The following LMBR1 variants were observed in gnomAD, a reference collection of about 807,000 sequenced individuals.
The protein encoded by LMBR1 is limb development membrane protein 1.
Under a neutral mutation model 73.9 loss-of-function variants are expected in LMBR1, and 52 were observed. That is an observed-to-expected ratio of 0.70 (90% CI 0.56 to 0.89). LMBR1 has a LOEUF of 0.89. Ranked by LOEUF, LMBR1 falls within the 40% of genes least tolerant of loss-of-function variation. LMBR1 has a pLI of 0.00. For synonymous variants in LMBR1, 215 were observed against 209.4 expected (o/e 1.03, Z -0.23); for missense variants, 539 against 579.8 (o/e 0.93, Z 0.72).
chr7:156,876,051 C>T (rs1291218035), intron 1 of LMBR1, among the ~76,000 whole-genome samples: 2 of 152,074 alleles, frequency 1.3e-5, no homozygotes, highest in East Asian at 3.8e-4. Flanking sequence ...AAGAATTCAC[C>T]AACTATCTGC....
intron 1 of LMBR1, among the ~76,000 whole-genome samples, chr7:156,857,279 T>C (rs1797104147): frequency 6.6e-6 from 1 of 152,168 alleles, no homozygotes; most frequent in South Asian, 2.1e-4. Context: ...AGATTAAAAG[T>C]ACAGTGACAG....
At chr7:156,706,733 T>C (rs996244914) in intron 15 of LMBR1, among the ~76,000 whole-genome samples, 1 of 151,118 alleles carries the variant, frequency 6.6e-6, no homozygotes, top group Admixed American at 6.6e-5. Context: ...GCAAAAACAG[T>C]GCTAGGAGGG....
At chr7:156,792,975 T>C (rs1829489818) in intron 5 of LMBR1, among the ~76,000 whole-genome samples, 1 of 152,182 alleles carries the variant, frequency 6.6e-6, no homozygotes, top group African/African-American at 2.4e-5. Context: ...TTGCTCAAAT[T>C]AGTGCGCTGA....
At chr7:156,698,197 A>G (rs1279334972) in intron 15 of LMBR1, among the ~76,000 whole-genome samples, 1 of 152,282 alleles carries the variant, frequency 6.6e-6, no homozygotes, top group East Asian at 1.9e-4. Context: ...GTGGGTTCCC[A>G]TGGTCTTGGG....
intron 4 of LMBR1, among the ~76,000 whole-genome samples, chr7:156,672,073 T>G (rs898884131): frequency 3.9e-5 from 6 of 152,164 alleles, no homozygotes; most frequent in Admixed American, 6.5e-5. Context: ...TGGAATTAGT[T>G]TGTGATTCTT....
chr7:156,676,011 G>C, downstream of LMBR1: 1 of 876,968 alleles, frequency 1.1e-6, no homozygotes, highest in East Asian at 2.6e-5. Context: ...CTGTGGGGGT[G>C]GCATGTCGGG....
At chr7:156,722,342 T>C (rs921892022) in intron 15 of LMBR1, among the ~76,000 whole-genome samples, 7 of 152,146 alleles carry the variant, frequency 4.6e-5, no homozygotes, top group African/African-American at 1.2e-4. Flanking sequence ...AATCCTGTTA[T>C]ACACTAGGAT....
chr7:156,673,096 G>C (rs1479319117), downstream of LMBR1, among the ~76,000 whole-genome samples: 2 of 152,174 alleles, frequency 1.3e-5, no homozygotes, highest in African/African-American at 4.8e-5. Context: ...AGATCATATC[G>C]ATCATTTCAT....
intron 4 of LMBR1, among the ~76,000 whole-genome samples, chr7:156,799,138 G>A (rs189519385): frequency 6.6e-6 from 1 of 151,520 alleles, no homozygotes; most frequent in Non-Finnish European, 1.5e-5. Context: ...GCAGGCAGAG[G>A]TTGCAGTGAG....
At chr7:156,802,961 A>G (rs868333795) in intron 4 of LMBR1, among the ~76,000 whole-genome samples, 6 of 152,288 alleles carry the variant, frequency 3.9e-5, no homozygotes, top group African/African-American at 1.2e-4. Context: ...TAGAAAGCTG[A>G]AACTGGATCC....
At chr7:156,880,814 G>A (rs1234759560) in intron 1 of LMBR1, among the ~76,000 whole-genome samples, 11 of 151,988 alleles carry the variant, frequency 7.2e-5, no homozygotes, top group East Asian at 1.9e-4. Context: ...CACCACGCCC[G>A]GCTAATTTTT....
At position 156,836,892 on chromosome 7, in the gene LMBR1, CA is replaced by C; in HGVS notation, c.67-8del. On this transcript the variant is annotated splice_region_variant and splice_polypyrimidine_tract_variant and intron_variant, in intron 1 of 16. Coordinates refer to ENST00000353442, the MANE Select transcript of LMBR1 (RefSeq NM_022458.4). ...CAAAAAGAAGGAAACATATCTGAAACAAAACGAAGTTAACAGATCATTTACT... is the reference window on the plus strand; with the variant it reads ...CAAAAAGAAGGAAACATATCTGAAACAAACGAAGTTAACAGATCATTTACT... 1.3e-6 allele frequency: 2 copies of C among 1,548,690 alleles called. No homozygotes were observed. The highest frequency in any genetic ancestry group is 1.2e-5 in the South Asian group (1 of 84,166).
chr7:156,846,436 T>C (rs1795490373), intron 1 of LMBR1, among the ~76,000 whole-genome samples: 1 of 152,170 alleles, frequency 6.6e-6, no homozygotes, highest in African/African-American at 2.4e-5. Flanking sequence ...TGTAAAACAC[T>C]ATTTATATTA....
chr7:156,822,618 C>G (rs544205383), intron 4 of LMBR1: 3 of 151,272 alleles, frequency 2.0e-5, no homozygotes, highest in Non-Finnish European at 2.9e-5. Context: ...TTAGAGACAC[C>G]AAGAGAAAAA....
At chr7:156,754,764 C>T (rs1330286414) in intron 9 of LMBR1, among the ~76,000 whole-genome samples, 11 of 152,020 alleles carry the variant, frequency 7.2e-5, no homozygotes, top group Middle Eastern at 3.2e-3. Flanking sequence ...AATGGTAAGT[C>T]GTGATTTTTT....
chr7:156,785,331 G>T (rs774080584), intron 5 of LMBR1, among the ~76,000 whole-genome samples: 1 of 152,058 alleles, frequency 6.6e-6, no homozygotes, highest in Non-Finnish European at 1.5e-5. Context: ...GGGGTTAACT[G>T]GAGTTCTATA....
At chr7:156,766,892 G>C (rs1824190886) in intron 5 of LMBR1, among the ~76,000 whole-genome samples, 1 of 152,172 alleles carries the variant, frequency 6.6e-6, no homozygotes, top group African/African-American at 2.4e-5. Flanking sequence ...AGGTCCTGTG[G>C]GTACAGCTGC....
chr7:156,818,450 C>A (rs1286427398), intron 4 of LMBR1, among the ~76,000 whole-genome samples: 2 of 152,142 alleles, frequency 1.3e-5, no homozygotes, highest in Non-Finnish European at 2.9e-5. Flanking sequence ...AAATTGGGCC[C>A]CACTGGGGAA....
At chr7:156,812,193 A>G (rs1240269134) in intron 4 of LMBR1, among the ~76,000 whole-genome samples, 1 of 152,184 alleles carries the variant, frequency 6.6e-6, no homozygotes. Flanking sequence ...ACATATGGCA[A>G]AAAGGACTTG....
Sources: allele counts gnomAD v4.1 joint callset (sites outside exome capture counted in the v4.1 genomes callset), GRCh38; gene constraint gnomAD v4.1.1; transcripts MANE v1.5; gene names NCBI Gene and HGNC (gene_info 2026-07-23, HGNC 2026-07-21).